ITCH: variants seen among roughly 807,000 people sequenced by gnomAD.
ITCH encodes the protein itchy E3 ubiquitin protein ligase.
A neutral mutation model predicts 126.8 loss-of-function variants in ITCH; 28 were observed. The observed-to-expected ratio is 0.22, with a 90% CI of 0.16 to 0.30. The LOEUF (loss-of-function observed/expected upper bound fraction) is 0.30, where lower values mean the gene tolerates loss of function less well. Among genes scored for constraint, ITCH ranks in the 10% least tolerant of loss-of-function variants. The pLI, the probability that ITCH is intolerant of heterozygous loss-of-function variation, is 1.00. For synonymous variants in ITCH, 342 were observed against 340.0 expected (o/e 1.01, Z -0.06); for missense variants, 631 against 1,032.4 (o/e 0.61, Z 5.33).
intron 3 of ITCH, among the ~76,000 whole-genome samples, chr20:34,407,518 C>G (rs1281894795): frequency 6.6e-6 from 1 of 152,220 alleles, no homozygotes; most frequent in Non-Finnish European, 1.5e-5. Flanking sequence ...ATCCACCCGC[C>G]TCAGTCTCCC....
At chr20:34,480,783 G>A (rs749038421) in intron 19 of ITCH, 51 bp downstream of exon 19, 34 of 1,387,514 alleles carry the variant, frequency 2.5e-5, no homozygotes, top group African/African-American at 4.3e-5. Context: ...TATGCATTCC[G>A]TGTAGTATTG....
intron 18 of ITCH, among the ~76,000 whole-genome samples, chr20:34,480,053 C>T (rs1023276809): frequency 2.6e-5 from 4 of 152,158 alleles, no homozygotes; most frequent in African/African-American, 9.7e-5. Context: ...TGTGCGCCAC[C>T]ATGCCTGGCT....
chr20:34,474,499 G>A (rs1987947704), intron 16 of ITCH, among the ~76,000 whole-genome samples: 1 of 152,234 alleles, frequency 6.6e-6, no homozygotes, highest in Non-Finnish European at 1.5e-5. Context: ...CAGATCAACA[G>A]GATCCCAAGG....
chr20:34,456,737 G>A (rs892137178), intron 12 of ITCH, among the ~76,000 whole-genome samples: 6 of 149,646 alleles, frequency 4.0e-5, no homozygotes, highest in East Asian at 2.0e-4. Flanking sequence ...CTGCCAGCAC[G>A]GCCCACTAAT....
intron 1 of ITCH, among the ~76,000 whole-genome samples, chr20:34,367,692 A>G (rs1177490546): frequency 3.3e-5 from 5 of 152,158 alleles, no homozygotes; most frequent in Admixed American, 6.6e-5. Flanking sequence ...GATAAGTCCA[A>G]TCTCTTAGTT....
At chr20:34,387,804 A>C (rs982891160) in intron 2 of ITCH, among the ~76,000 whole-genome samples, 5 of 151,972 alleles carry the variant, frequency 3.3e-5, no homozygotes, top group African/African-American at 4.8e-5. Flanking sequence ...TCCTGGGTTC[A>C]AGCGGTTCTC....
At chr20:34,373,767 T>A (rs911309246) in intron 2 of ITCH, among the ~76,000 whole-genome samples, 4 of 152,252 alleles carry the variant, frequency 2.6e-5, no homozygotes, top group African/African-American at 9.6e-5. Context: ...AGAATTCATC[T>A]ACATATTGAG....
At chr20:34,412,752 T>A (rs1395706892) in intron 5 of ITCH, 113 bp downstream of exon 5, 9 of 889,554 alleles carry the variant, frequency 1.0e-5, no homozygotes, top group Non-Finnish European at 1.6e-5. Flanking sequence ...AAGTTTTACT[T>A]GGTTATAGGA....
At position 34,430,238 on chromosome 20, in the gene ITCH, G is replaced by A. The variant is rs188983245; in HGVS notation, c.521+5713G>A. 2.0e-5 allele frequency among the ~76,000 whole-genome samples: 3 copies of A among 152,282 alleles called. No homozygotes were observed. The East Asian group carries it at 5.8e-4, about 29-fold the overall frequency. On this transcript the variant is annotated intron_variant, in intron 7 of 24. Coordinates refer to ENST00000374864, the MANE Select transcript of ITCH (RefSeq NM_031483.7). Reference sequence around the variant, plus strand: ...GGAAAGGAACTTGCTTGAGTTAATAGCGTTAAGTGGGACAGTTGAACCTGG... The same window carrying A: ...GGAAAGGAACTTGCTTGAGTTAATAACGTTAAGTGGGACAGTTGAACCTGG...
At chr20:34,432,042 C>G (rs145378209) in intron 7 of ITCH, among the ~76,000 whole-genome samples, 3 of 93,700 alleles carry the variant, frequency 3.2e-5, no homozygotes, top group African/African-American at 1.3e-4. Flanking sequence ...AGATTAGATT[C>G]TATGTCAAAA....
chr20:34,464,841 G>C (rs1986896322), intron 14 of ITCH, among the ~76,000 whole-genome samples: 1 of 151,954 alleles, frequency 6.6e-6, no homozygotes, highest in Non-Finnish European at 1.5e-5. Context: ...CTCCTGAGTA[G>C]CTGGGGTTTT....
At chr20:34,461,388 A>T (rs185104109) in intron 13 of ITCH, among the ~76,000 whole-genome samples, 38 of 152,270 alleles carry the variant, frequency 2.5e-4, no homozygotes, top group African/African-American at 8.4e-4. Flanking sequence ...AGATCAGATA[A>T]GGAAAACGAG....
chr20:34,408,910 C>CTTTTTT, intron 4 of ITCH, 118 bp downstream of exon 4: 1 of 772,122 alleles, frequency 1.3e-6, no homozygotes, highest in Non-Finnish European at 1.9e-6. Flanking sequence ...TTTCTCTCTT[C>CTTTTTT]TTTTTTTTTT....
intron 12 of ITCH, among the ~76,000 whole-genome samples, chr20:34,455,332 ATAAAT>A (rs879628137): frequency 5.3e-5 from 8 of 152,246 alleles, no homozygotes; most frequent in Non-Finnish European, 7.3e-5. Flanking sequence ...TGTTGAACAA[ATAAAT>A]TAGGATACAG....
intron 23 of ITCH, among the ~76,000 whole-genome samples, chr20:34,503,327 A>G (rs1990379806): frequency 6.6e-6 from 1 of 152,202 alleles, no homozygotes. Context: ...TAGCATTACC[A>G]GTCATTGAGA....
intron 21 of ITCH, 101 bp downstream of exon 21, chr20:34,489,487 T>C (rs1049300043): frequency 8.5e-7 from 1 of 1,179,900 alleles, no homozygotes; most frequent in African/African-American, 1.5e-5. Context: ...ACTGTAATAT[T>C]TTTATACTGG....
intron 13 of ITCH, 23 bp from the exon 14 acceptor site, chr20:34,462,068 TTA>T (rs1986579483): frequency 1.2e-6 from 2 of 1,611,394 alleles, no homozygotes; most frequent in East Asian, 2.2e-5. Flanking sequence ...ATATTTTTGT[TTA>T]TGTTTTTTCC....
chr20:34,476,977 G>A (rs1988290111), intron 16 of ITCH, among the ~76,000 whole-genome samples: 1 of 152,040 alleles, frequency 6.6e-6, no homozygotes, highest in South Asian at 2.1e-4. Context: ...ACCTATAGTG[G>A]GACACAAAAT....
chr20:34,408,524 A>G, intron 3 of ITCH, 127 bp from the exon 4 acceptor site: 1 of 822,852 alleles, frequency 1.2e-6, no homozygotes, highest in Non-Finnish European at 2.0e-6. Context: ...TAAAATTGGT[A>G]AGTATTTTAG....
Sources: gnomAD v4.1 joint callset for allele counts (sites outside exome capture counted in the v4.1 genomes callset) on GRCh38, gnomAD v4.1.1 for gene constraint, MANE v1.5 for transcripts, NCBI Gene and HGNC (gene_info 2026-07-23, HGNC 2026-07-21) for gene names.